The following KANK1 variants were observed in gnomAD, a reference collection of about 807,000 sequenced individuals.
KANK1 encodes the protein KN motif and ankyrin repeat domains 1.
Under a neutral mutation model 106.2 loss-of-function variants are expected in KANK1, and 109 were observed. The observed-to-expected ratio is 1.03, with a 90% CI of 0.88 to 1.20. The LOEUF is 1.20. KANK1 is among the 50% of genes most tolerant of loss of function. KANK1 has a pLI of 0.00. For synonymous variants in KANK1, 873 were observed against 652.2 expected (o/e 1.34, Z -5.16); for missense variants, 2,399 against 1,710.7 (o/e 1.40, Z -7.10).
chr9:574,110 A>T (rs542538144), intron 1 of KANK1, among the ~76,000 whole-genome samples: 2 of 152,234 alleles, frequency 1.3e-5, no homozygotes, highest in Non-Finnish European at 2.9e-5. Flanking sequence ...CTGATGCATC[A>T]CTAACATCAT....
chr9:482,827 T>C (rs950612239), intron 3 of KANK1, among the ~76,000 whole-genome samples: 7 of 144,820 alleles, frequency 4.8e-5, no homozygotes, highest in Non-Finnish European at 7.4e-5. Context: ...GGTCCAAATA[T>C]ATGAAACAGA....
chr9:652,945 C>G (rs911135750), intron 1 of KANK1, among the ~76,000 whole-genome samples: 1 of 152,206 alleles, frequency 6.6e-6, no homozygotes, highest in East Asian at 1.9e-4. Flanking sequence ...CCAGGTGTTT[C>G]AGCATCTGTT....
intron 10 of KANK1, among the ~76,000 whole-genome samples, chr9:743,050 G>C (rs572710027): frequency 3.3e-5 from 5 of 152,160 alleles, no homozygotes; most frequent in African/African-American, 4.8e-5. Context: ...GTACTTTTGC[G>C]TGTCTCTAGG....
chr9:693,304 T>C, intron 2 of KANK1: 2 of 796,062 alleles, frequency 2.5e-6, no homozygotes, highest in Non-Finnish European at 3.0e-6. Context: ...AGCCAGCTGC[T>C]GTGCTATAGC....
At chr9:725,499 A>G (rs79871421) in intron 3 of KANK1, among the ~76,000 whole-genome samples, 1 of 151,002 alleles carries the variant, frequency 6.6e-6, no homozygotes. Context: ...TCTGTCTCAA[A>G]AAAAAAAAAA....
chr9:672,044 A>C (rs1253476712), intron 1 of KANK1, among the ~76,000 whole-genome samples: 2 of 152,208 alleles, frequency 1.3e-5, no homozygotes, highest in African/African-American at 4.8e-5. Flanking sequence ...ATAGGTAACT[A>C]AGGTGTCTAC....
At chr9:703,301 G>A (rs1387560368) in intron 2 of KANK1, among the ~76,000 whole-genome samples, 2 of 152,036 alleles carry the variant, frequency 1.3e-5, no homozygotes, top group African/African-American at 2.4e-5. Context: ...CTGCATTGTT[G>A]ATATATGCCT....
rs779805109 is a variant in KANK1, at chr9:521,802, A to T, written c.-84+17048A>T. Among the ~76,000 whole-genome samples, 119 of 151,630 alleles carry T rather than the reference A, an allele frequency of 7.8e-4. 1 individual carries two copies. The highest frequency in any genetic ancestry group is 1.5e-3 in the South Asian group (7 of 4,816). ...AGGCTGGTCTCGAACTCCTGACCTC[A>T]GGAGATCCACCCACCTCAGCCTGCC... On this transcript the variant is annotated intron_variant, in intron 1 of 11. Coordinates refer to ENST00000382297, the MANE Select transcript of KANK1 (RefSeq NM_015158.5).
At chr9:497,769 G>A (rs60705154) in intron 3 of KANK1, among the ~76,000 whole-genome samples, 3,140 of 151,942 alleles carry the variant, frequency 0.021, 114 homozygotes, top group African/African-American at 0.072. Context: ...AGGAGGATCA[G>A]TTGAGCCCGG....
chr9:745,337 C>CCAGCAAACAGAAGCAT lies in KANK1; in HGVS notation c.*105_*120dup. 1 of 1,448,676 alleles carries CCAGCAAACAGAAGCAT rather than the reference C, an allele frequency of 6.9e-7. No individual in the cohort carries two copies. Among genetic ancestry groups the CCAGCAAACAGAAGCAT allele is most frequent in the Non-Finnish European group, 9.6e-7 (1 of 1,036,684 alleles). 89.7% of individuals were successfully genotyped at this position (1,448,676 alleles called of 1,614,324 possible). ...TGTATACGTATTGTGCCTGAGCTCA[C>CCAGCAAACAGAAGCAT]CAGCAAACAGAAGCATCAAGCCCAG... On this transcript the variant is annotated 3_prime_UTR_variant, in exon 12 of 12. Coordinates refer to ENST00000382297, the MANE Select transcript of KANK1 (RefSeq NM_015158.5).
At chr9:536,139 A>AC (rs982909579) in intron 1 of KANK1, among the ~76,000 whole-genome samples, 37 of 152,136 alleles carry the variant, frequency 2.4e-4, no homozygotes, top group Non-Finnish European at 3.2e-4. Context: ...GGAGTTAAAG[A>AC]CCATCCTGGT....
chr9:484,003 A>G (rs890352934), intron 3 of KANK1, among the ~76,000 whole-genome samples: 8 of 152,198 alleles, frequency 5.3e-5, no homozygotes, highest in Non-Finnish European at 1.0e-4. Flanking sequence ...TGCTAGCCAA[A>G]CAAATCCGTC....
chr9:686,580 G>GA (rs377272480), intron 2 of KANK1, among the ~76,000 whole-genome samples: 2,079 of 151,400 alleles, frequency 0.014, 53 homozygotes, highest in African/African-American at 0.047. Context: ...CAGCTTACAG[G>GA]AAAAAAAAAT....
At chr9:504,526 C>A (rs1013656047), upstream of KANK1, among the ~76,000 whole-genome samples, 48 of 151,746 alleles carry the variant, frequency 3.2e-4, no homozygotes, top group African/African-American at 1.1e-3. Flanking sequence ...CCGCGCCGTT[C>A]TTCTCACGCG....
rs73374875 is a variant in KANK1, at chr9:728,051, G to A, written c.2699-2000G>A. On this transcript the variant is annotated intron_variant, in intron 3 of 11. Transcript: ENST00000382297. Reference sequence around the variant, plus strand: ...ACATTAAAACAGAGATCTTAGGAGTGACAAACAGACTCTTTATACCAATAA... The same window carrying A: ...ACATTAAAACAGAGATCTTAGGAGTAACAAACAGACTCTTTATACCAATAA... Among the ~76,000 whole-genome samples the A allele has an allele frequency of 8.6e-3, 1,307 of 152,114 alleles. 21 individuals are homozygous for A. Among genetic ancestry groups the A allele is most frequent in the African/African-American group, 0.03 (1,239 of 41,482 alleles).
At chr9:665,925 A>G (rs558609984) in intron 1 of KANK1, among the ~76,000 whole-genome samples, 154 of 152,268 alleles carry the variant, frequency 1.0e-3, no homozygotes, top group Middle Eastern at 6.8e-3. Flanking sequence ...GACACCTGCA[A>G]TCCCAACACT....
At chr9:484,935 C>CAAAAAAAAAAAAAA (rs60286162) in intron 3 of KANK1, among the ~76,000 whole-genome samples, 19 of 144,402 alleles carry the variant, frequency 1.3e-4, no homozygotes, top group African/African-American at 4.3e-4. Flanking sequence ...ATGGAGAATG[C>CAAAAAAAAAAAAAA]AAAAAAAAAA....
At chr9:589,169 A>G (rs1311366952) in intron 1 of KANK1, among the ~76,000 whole-genome samples, 1 of 152,200 alleles carries the variant, frequency 6.6e-6, no homozygotes, top group Non-Finnish European at 1.5e-5. Flanking sequence ...CACACACATT[A>G]TCTCATTCGA....
At chr9:516,822 T>C (rs532919245) in intron 1 of KANK1, among the ~76,000 whole-genome samples, 1 of 151,806 alleles carries the variant, frequency 6.6e-6, no homozygotes, top group East Asian at 1.9e-4. Context: ...GTTATCATTA[T>C]AGTGGCTTAG....
Sources: allele counts gnomAD v4.1 joint callset (sites outside exome capture counted in the v4.1 genomes callset), GRCh38; gene constraint gnomAD v4.1.1; transcripts MANE v1.5; gene names NCBI Gene and HGNC (gene_info 2026-07-23, HGNC 2026-07-21).